The following ACOT1 variants were observed in gnomAD, a reference collection of about 807,000 sequenced individuals.
ACOT1 encodes acyl-coenzyme A thioesterase 1.
ACOT1 carries 8 observed loss-of-function variants against 15.7 expected under a neutral mutation model. That is an observed-to-expected ratio of 0.51 (90% CI 0.30 to 0.92). ACOT1 has a LOEUF of 0.92. Ranked by LOEUF, ACOT1 falls within the 40% of genes least tolerant of loss-of-function variation. The pLI, the probability that ACOT1 is intolerant of heterozygous loss-of-function variation, is 0.06. For synonymous variants in ACOT1, 67 were observed against 241.2 expected (o/e 0.28, Z 6.69); for missense variants, 151 against 539.4 (o/e 0.28, Z 7.13).
chr14:73,519,080 A>G, the ACOT1 span: 1 of 1,614,050 alleles, frequency 6.2e-7, no homozygotes, highest in South Asian at 1.1e-5. Context: ...AAGACCTTAG[A>G]TAGCTGCTTG....
chr14:73,495,689 C>T, the ACOT1 span, among the ~76,000 whole-genome samples: 1 of 152,148 alleles, frequency 6.6e-6, no homozygotes, highest in African/African-American at 2.4e-5. Context: ...TTTTTTATAC[C>T]TGTTCGTGAA....
the ACOT1 span, among the ~76,000 whole-genome samples, chr14:73,510,215 GT>G: frequency 2.0e-5 from 3 of 151,998 alleles, no homozygotes; most frequent in Middle Eastern, 3.4e-3. Flanking sequence ...ATAATATAGT[GT>G]TTTTACATTA....
the ACOT1 span, chr14:73,491,738 C>A: frequency 6.4e-7 from 1 of 1,554,598 alleles, no homozygotes; most frequent in Non-Finnish European, 8.7e-7. Flanking sequence ...CTACCAGGGA[C>A]TTTTCTCTAC....
the ACOT1 span, among the ~76,000 whole-genome samples, chr14:73,497,173 G>C: frequency 6.6e-6 from 1 of 152,194 alleles, no homozygotes; most frequent in African/African-American, 2.4e-5. Flanking sequence ...TGGGGCTACA[G>C]GTGTGAGCCA....
At chr14:73,492,639 A>C in the ACOT1 span, 1 of 1,613,876 alleles carries the variant, frequency 6.2e-7, no homozygotes, top group African/African-American at 1.3e-5. The surrounding 1 kb of genome is among the most constrained non-coding windows in gnomAD (Gnocchi z 4.9). Flanking sequence ...GTGGGGGCCC[A>C]GTTGACAACA....
the ACOT1 span, chr14:73,491,023 T>A: frequency 1.2e-5 from 18 of 1,506,288 alleles, no homozygotes; most frequent in Non-Finnish European, 1.3e-5. Context: ...TGGCCATGGA[T>A]GGGCTCCAGG....
At chr14:73,532,234 A>C (rs1409208967), upstream of ACOT1, among the ~76,000 whole-genome samples, 1 of 114,300 alleles carries the variant, frequency 8.7e-6, no homozygotes, top group Non-Finnish European at 1.9e-5. Context: ...CAGCTCCTCC[A>C]CTGCTACTTA....
chr14:73,498,134 A>C, the ACOT1 span: 1 of 1,586,426 alleles, frequency 6.3e-7, no homozygotes, highest in Non-Finnish European at 8.6e-7. Flanking sequence ...TCATGGTGGG[A>C]GCCAGAGGTT....
the ACOT1 span, among the ~76,000 whole-genome samples, chr14:73,502,041 G>C: frequency 6.6e-6 from 1 of 150,822 alleles, no homozygotes; most frequent in African/African-American, 2.4e-5. Flanking sequence ...CACTGCGCCC[G>C]GCCAATTTTT....
the ACOT1 span, among the ~76,000 whole-genome samples, chr14:73,521,511 T>C: frequency 3.9e-5 from 6 of 152,180 alleles, no homozygotes; most frequent in Admixed American, 3.3e-4. Flanking sequence ...TCCCAGCACT[T>C]TGCAGAGTGC....
the ACOT1 span, among the ~76,000 whole-genome samples, chr14:73,510,602 A>T: frequency 6.6e-6 from 1 of 151,878 alleles, no homozygotes; most frequent in Non-Finnish European, 1.5e-5. Context: ...CGCCTGGCTA[A>T]TTTTTGTATT....
At chr14:73,495,117 T>C in the ACOT1 span, 233,132 of 882,058 alleles carry the variant, frequency 0.26, 32,831 homozygotes, top group South Asian at 0.39. Context: ...AGAGTACCCT[T>C]TCCTGACTCT....
At chr14:73,536,607 T>C (rs1214429751), upstream of ACOT1, among the ~76,000 whole-genome samples, 6 of 111,998 alleles carry the variant, frequency 5.4e-5, 2 homozygotes, top group African/African-American at 1.7e-4. Context: ...ATAATAACTA[T>C]TGGCCGGGCG....
chr14:73,499,689 C>T, the ACOT1 span, among the ~76,000 whole-genome samples: 2 of 152,142 alleles, frequency 1.3e-5, no homozygotes, highest in Non-Finnish European at 2.9e-5. Flanking sequence ...GGCCATATGG[C>T]TTCTCTTGAA....
At chr14:73,514,142 T>TA in the ACOT1 span, 1 of 1,614,060 alleles carries the variant, frequency 6.2e-7, no homozygotes, top group Non-Finnish European at 8.5e-7. Flanking sequence ...CTGGTCTTAA[T>TA]AGGCACATCC....
At chr14:73,524,311 ATATATATATAT>A in the ACOT1 span, among the ~76,000 whole-genome samples, 1,797 of 52,628 alleles carry the variant, frequency 0.034, 96 homozygotes, top group African/African-American at 0.13. Context: ...AAAAAAAAAA[ATATATATATAT>A]ATATATATAT....
chr14:73,508,428 A>T, the ACOT1 span: 3 of 717,866 alleles, frequency 4.2e-6, no homozygotes, highest in Non-Finnish European at 7.0e-6. Flanking sequence ...GTCTAGAAAT[A>T]CAATTTCTTA....
At chr14:73,520,776 T>C in the ACOT1 span, 1 of 1,385,830 alleles carries the variant, frequency 7.2e-7, no homozygotes, top group Admixed American at 1.9e-5. Context: ...CACAACTGTT[T>C]CCAGCCCCCA....
At chr14:73,506,600 T>G in the ACOT1 span, 1 of 1,515,188 alleles carries the variant, frequency 6.6e-7, no homozygotes, top group East Asian at 2.3e-5. Context: ...TGTATGGATA[T>G]TCACAATCAC....
Sources: gnomAD v4.1 joint callset for allele counts (sites outside exome capture counted in the v4.1 genomes callset) on GRCh38, gnomAD v4.1.1 for gene constraint, Gnocchi (gnomAD v3.1) non-coding constraint, MANE v1.5 for transcripts, NCBI Gene and HGNC (gene_info 2026-07-23, HGNC 2026-07-21) for gene names.